Variants in DNAH11 observed in about 807,000 individuals in gnomAD.
The protein encoded by DNAH11 is axonemal beta dynein heavy chain 11.
In DNAH11, 442 loss-of-function variants were observed where a neutral mutation model predicts 526.0. The ratio of observed to expected loss-of-function variants is 0.84; its 90% CI spans 0.78 to 0.91. DNAH11 has a LOEUF of 0.91. Among genes scored for constraint, DNAH11 ranks in the 40% least tolerant of loss-of-function variants. The pLI is 0.00. For synonymous variants in DNAH11, 2,461 were observed against 1,935.9 expected, an observed-to-expected ratio of 1.27 and a Z score of -7.12; for missense variants, 6,989 against 5,448.7, an observed-to-expected ratio of 1.28 and a Z score of -8.90.
rs1583480994 is a variant in DNAH11 at position 21,559,904 on chromosome 7, C to G, written c.882+112C>G. On this transcript the variant is annotated intron_variant, in intron 4 of 81. Transcript: ENST00000409508. ...TGTCTTTGTATAATTTACTGGTCTG[C>G]CCTCTTTTCTTAATCCAGAGTTCTG... 6 of 913,992 alleles carry G rather than the reference C, an allele frequency of 6.6e-6. No individual in the cohort carries two copies. In the East Asian group the frequency reaches 1.6e-4, roughly 25 times the overall value. 56.6% of individuals were successfully genotyped at this position (913,992 alleles called of 1,614,324 possible).
intron 54 of DNAH11, among the ~76,000 whole-genome samples, chr7:21,751,281 G>A (rs553251208): frequency 6.6e-5 from 10 of 152,178 alleles, no homozygotes; most frequent in Admixed American, 2.0e-4. Context: ...CCAAGATCGC[G>A]CCATTGTACT....
intron 45 of DNAH11, among the ~76,000 whole-genome samples, chr7:21,734,343 A>G (rs539107191): frequency 1.3e-4 from 20 of 152,350 alleles, no homozygotes; most frequent in African/African-American, 4.8e-4. Flanking sequence ...TGGTATTAAT[A>G]TGTGGGAAAG....
intron 57 of DNAH11, among the ~76,000 whole-genome samples, chr7:21,781,752 A>T (rs530485946): frequency 6.6e-6 from 1 of 152,154 alleles, no homozygotes; most frequent in African/African-American, 2.4e-5. Context: ...TGCCATGACA[A>T]AAATACCACA....
At chr7:21,664,235 A>C (rs1782342092) in intron 30 of DNAH11, among the ~76,000 whole-genome samples, 1 of 147,974 alleles carries the variant, frequency 6.8e-6, no homozygotes, top group Non-Finnish European at 1.5e-5. Flanking sequence ...AGAGATGTTT[A>C]ATAGTTTTAC....
intron 18 of DNAH11, 134 bp from the exon 19 acceptor site, chr7:21,606,292 C>T: frequency 1.4e-6 from 1 of 728,648 alleles, no homozygotes. Context: ...CAGTGCACTC[C>T]AGCCTAGGGG....
At chr7:21,852,262 C>T (rs1782668549) in intron 66 of DNAH11, among the ~76,000 whole-genome samples, 1 of 151,898 alleles carries the variant, frequency 6.6e-6, no homozygotes, top group Non-Finnish European at 1.5e-5. Flanking sequence ...AAAAAAATAG[C>T]TGGATGTGGT....
At chr7:21,650,040 CAT>C (rs1220509427) in intron 28 of DNAH11, among the ~76,000 whole-genome samples, 1 of 152,024 alleles carries the variant, frequency 6.6e-6, no homozygotes, top group Non-Finnish European at 1.5e-5. Flanking sequence ...GTTGTACACA[CAT>C]GATTTTTTCC....
intron 51 of DNAH11, 62 bp from the exon 52 acceptor site, chr7:21,748,518 G>A: frequency 1.5e-6 from 2 of 1,364,108 alleles, no homozygotes; most frequent in Non-Finnish European, 1.9e-6. Context: ...AAAATAAACA[G>A]AACAGACATA....
intron 74 of DNAH11, among the ~76,000 whole-genome samples, chr7:21,875,163 T>C (rs567690218): frequency 1.2e-4 from 18 of 152,338 alleles, no homozygotes; most frequent in Middle Eastern, 3.4e-3. Flanking sequence ...TTTTTGAAAC[T>C]ATTAAGTATC....
intron 61 of DNAH11, among the ~76,000 whole-genome samples, chr7:21,795,985 C>CCTCGTAT (rs11281115): frequency 0.4 from 61,133 of 151,458 alleles, 13,109 homozygotes; most frequent in East Asian, 0.8. Context: ...ACAGTGAGTA[C>CCTCGTAT]CTCAACATGA....
intron 9 of DNAH11, among the ~76,000 whole-genome samples, chr7:21,585,943 C>T (rs1371609757): frequency 1.3e-5 from 2 of 152,158 alleles, no homozygotes; most frequent in African/African-American, 4.8e-5. Flanking sequence ...AACATCTCTA[C>T]TCTTCATAAA....
intron 65 of DNAH11, among the ~76,000 whole-genome samples, chr7:21,831,540 T>G (rs539404422): frequency 6.6e-6 from 1 of 152,332 alleles, no homozygotes; most frequent in Admixed American, 6.5e-5. Context: ...GAGCAAGATG[T>G]AAAACCCAGT....
In DNAH11 at chr7:21,606,433, C is replaced by G; in HGVS notation, c.3656C>G (p.Pro1219Arg). The G allele has an allele frequency of 6.2e-7, 1 of 1,605,438 alleles. No individual in the cohort carries two copies. Among genetic ancestry groups the G allele is most frequent in the Non-Finnish European group, 8.5e-7 (1 of 1,177,602 alleles). ...GTGCCTTTGCTTTTGCAGGAATTAC[C>G]TGAAAGATGGGAAACTACCAAAAAG... ...EQVYIQLEEL[P>R]ERWETTKKIA... is the part of the protein sequence containing the mutation. The change falls in exon 19 of 82, where the codon CCT becomes CGT. Residue 1219 changes from proline to arginine, a missense_variant. By Grantham distance (103) the Pro-to-Arg change is moderately radical. Coordinates refer to ENST00000409508, the MANE Select transcript of DNAH11 (RefSeq NM_001277115.2).
At chr7:21,774,205 C>G (rs1240305710) in intron 56 of DNAH11, among the ~76,000 whole-genome samples, 1 of 152,158 alleles carries the variant, frequency 6.6e-6, no homozygotes, top group Non-Finnish European at 1.5e-5. Context: ...GTGAAACGTT[C>G]TCTTCCTGGC....
chr7:21,612,198 G>A (rs1029689036), intron 20 of DNAH11, among the ~76,000 whole-genome samples: 3 of 151,910 alleles, frequency 2.0e-5, no homozygotes, highest in Non-Finnish European at 2.9e-5. Context: ...TTCAAACTTA[G>A]CCAGTCAGAA....
intron 35 of DNAH11, among the ~76,000 whole-genome samples, chr7:21,693,138 C>G (rs1227501726): frequency 6.6e-6 from 1 of 151,996 alleles, no homozygotes; most frequent in Non-Finnish European, 1.5e-5. Flanking sequence ...TTTTTAATAT[C>G]CTATTCAAGA....
chr7:21,783,066 G>T (rs1788021985), intron 57 of DNAH11, among the ~76,000 whole-genome samples: 1 of 152,116 alleles, frequency 6.6e-6, no homozygotes, highest in Admixed American at 6.5e-5. Context: ...GATTCACTGT[G>T]TCCTTATGGA....
chr7:21,735,782 C>T lies in DNAH11; in HGVS notation c.7583C>T (p.Ser2528Phe). ...GTAGGTGACACATTGGCAAGTCTCT[C>T]TGAGGATTACATAGTATCCCGTGTG... Reference protein sequence around the residue: ...VFVGDTLASLSEDYIVSRVPF... With the variant: ...VFVGDTLASLFEDYIVSRVPF... The change falls in exon 46 of 82, where the codon TCT becomes TTT. Residue 2528 changes from serine (S) to phenylalanine (F), a missense_variant. Ser to Phe is a radical substitution (Grantham distance 155). Coordinates refer to ENST00000409508, the MANE Select transcript of DNAH11 (RefSeq NM_001277115.2). 1 of 1,613,984 alleles carries T rather than the reference C, an allele frequency of 6.2e-7. No individual in the cohort carries two copies. The highest frequency in any genetic ancestry group is 8.5e-7 in the Non-Finnish European group (1 of 1,179,884).
At position 21,866,459 on chromosome 7, in the gene DNAH11, T is replaced by A. The variant is rs769803650; in HGVS notation, c.11497-11T>A. On this transcript the variant is annotated splice_polypyrimidine_tract_variant and intron_variant, in intron 70 of 81. Transcript: ENST00000409508. The stretch of plus-strand genomic sequence containing the variant: ...CACACCATTCCTACTTGTTTCCCTA[T>A]CATATTACAGGCAATTGCCGTCATG... The A allele has an allele frequency of 6.2e-7, 1 of 1,604,270 alleles. No homozygotes were observed.
Sources: gnomAD v4.1 joint callset for allele counts (sites outside exome capture counted in the v4.1 genomes callset) on GRCh38, gnomAD v4.1.1 for gene constraint, MANE v1.5 for transcripts, NCBI Gene and HGNC (gene_info 2026-07-23, HGNC 2026-07-21) for gene names.